Variants in CNTN5 observed in about 807,000 individuals in gnomAD.
CNTN5 encodes the protein contactin 5.
CNTN5 carries 77 observed loss-of-function variants against 129.1 expected under a neutral mutation model. The observed-to-expected ratio is 0.60, with a 90% CI of 0.50 to 0.72. The LOEUF (loss-of-function observed/expected upper bound fraction) is 0.72, where lower values mean the gene tolerates loss of function less well. CNTN5 is among the 30% of genes least tolerant of loss of function. The pLI, the probability that CNTN5 is intolerant of heterozygous loss-of-function variation, is 0.00. For synonymous variants in CNTN5, 509 were observed against 465.6 expected (o/e 1.09, Z -1.20); for missense variants, 1,478 against 1,328.8 (o/e 1.11, Z -1.75).
rs35896237 is a variant in CNTN5, at chr11:100,063,706, T to TAAAAAAA, written c.1162+2329_1162+2335dup. On this transcript the variant is annotated intron_variant, in intron 10 of 24. Coordinates refer to ENST00000524871, the MANE Select transcript of CNTN5 (RefSeq NM_014361.4). ...AGGCCATAGCAGCTGAACCTGTCTCTAAAAAAAAAAAAAAAAAAAAAATAC... is the reference window on the plus strand; with the variant it reads ...AGGCCATAGCAGCTGAACCTGTCTCTAAAAAAAAAAAAAAAAAAAAAAAAAAAAATAC... Among the ~76,000 whole-genome samples the TAAAAAAA allele has an allele frequency of 6.0e-4, 69 of 115,256 alleles. 1 individual carries two copies. Among genetic ancestry groups the TAAAAAAA allele is most frequent in the East Asian group, 2.3e-3 (9 of 3,900 alleles). The allele number at this position is 115,256 out of a possible 152,430, so 75.6% of individuals were successfully genotyped here.
intron 13 of CNTN5, among the ~76,000 whole-genome samples, chr11:100,080,979 G>T (rs905154082): frequency 1.3e-5 from 2 of 151,966 alleles, no homozygotes; most frequent in Admixed American, 6.6e-5. Flanking sequence ...TAGTACTCAG[G>T]GATGGTTTCT....
chr11:99,821,832 T>C (rs1946811190), intron 4 of CNTN5, among the ~76,000 whole-genome samples: 1 of 152,136 alleles, frequency 6.6e-6, no homozygotes, highest in Non-Finnish European at 1.5e-5. Flanking sequence ...ACTTACTGAG[T>C]GGCAAGGCTC....
intron 6 of CNTN5, among the ~76,000 whole-genome samples, chr11:99,863,594 A>C (rs1342390042): frequency 2.0e-5 from 3 of 152,156 alleles, no homozygotes; most frequent in Admixed American, 2.0e-4. Flanking sequence ...AGAACAATTC[A>C]GCCTATTGTA....
At chr11:99,096,443 G>A (rs909244305) in intron 1 of CNTN5, among the ~76,000 whole-genome samples, 5 of 151,648 alleles carry the variant, frequency 3.3e-5, no homozygotes, top group African/African-American at 9.7e-5. Context: ...AAGAACAGTC[G>A]CCTAATTGTT....
At chr11:100,140,986 T>C (rs909765721) in intron 13 of CNTN5, among the ~76,000 whole-genome samples, 16 of 152,106 alleles carry the variant, frequency 1.1e-4, no homozygotes, top group African/African-American at 3.4e-4. Flanking sequence ...ACAGAAATAA[T>C]GTTCACATCA....
At chr11:99,198,457 G>C (rs989580007) in intron 1 of CNTN5, among the ~76,000 whole-genome samples, 1 of 152,090 alleles carries the variant, frequency 6.6e-6, no homozygotes, top group Non-Finnish European at 1.5e-5. Context: ...CAAATGAGAA[G>C]ATTAGAATTA....
intron 2 of CNTN5, among the ~76,000 whole-genome samples, chr11:99,422,941 C>T (rs1942965106): frequency 3.3e-5 from 5 of 152,042 alleles, no homozygotes; most frequent in Admixed American, 3.3e-4. Flanking sequence ...CTTCTCCTAA[C>T]CCAGAAATCC....
At chr11:99,357,088 A>G (rs1938727432) in intron 2 of CNTN5, among the ~76,000 whole-genome samples, 1 of 152,222 alleles carries the variant, frequency 6.6e-6, no homozygotes, top group African/African-American at 2.4e-5. Context: ...GGTACATTTT[A>G]ATACTTTTAT....
intron 1 of CNTN5, among the ~76,000 whole-genome samples, chr11:99,245,520 C>A (rs529017332): frequency 1.4e-4 from 21 of 152,086 alleles, no homozygotes; most frequent in Admixed American, 3.9e-4. Context: ...GGGGTTTCAC[C>A]ATGTTGGCCA....
intron 9 of CNTN5, among the ~76,000 whole-genome samples, chr11:100,052,699 T>C (rs1053526083): frequency 6.6e-6 from 1 of 151,816 alleles, no homozygotes; most frequent in Admixed American, 6.6e-5. Flanking sequence ...TTGTGAAATT[T>C]AGCAAGCTAC....
At chr11:99,285,272 A>G (rs2135902117) in intron 1 of CNTN5, among the ~76,000 whole-genome samples, 1 of 152,258 alleles carries the variant, frequency 6.6e-6, no homozygotes, top group South Asian at 2.1e-4. Flanking sequence ...AAACCTGCCA[A>G]TTAATTTATT....
At chr11:99,176,909 A>G (rs908940853) in intron 1 of CNTN5, among the ~76,000 whole-genome samples, 5 of 152,044 alleles carry the variant, frequency 3.3e-5, no homozygotes, top group African/African-American at 1.2e-4. Flanking sequence ...AACTCTCACA[A>G]TTTACAGAAT....
At position 99,394,056 on chromosome 11, in the gene CNTN5, C is replaced by A. The variant is rs868492703; in HGVS notation, c.-71+68572C>A. ...GAAATTACATTAGGGAAGTTTCATG[C>A]CTTCTATATTTTTGCCAATATGTGA... On this transcript the variant is annotated intron_variant, in intron 2 of 24. Transcript: ENST00000524871. Among the ~76,000 whole-genome samples, 26 of 151,728 alleles carry A rather than the reference C, an allele frequency of 1.7e-4. No homozygotes were observed. The Middle Eastern group carries it at 0.01, about 60-fold the overall frequency.
At chr11:99,629,802 CAAAT>C (rs1303725485) in intron 3 of CNTN5, among the ~76,000 whole-genome samples, 3 of 151,100 alleles carry the variant, frequency 2.0e-5, no homozygotes, top group Non-Finnish European at 4.4e-5. Context: ...TAATTACAGT[CAAAT>C]AAATGTTAGA....
intron 2 of CNTN5, among the ~76,000 whole-genome samples, chr11:99,511,665 T>C (rs1946840485): frequency 6.6e-6 from 1 of 151,916 alleles, no homozygotes; most frequent in African/African-American, 2.4e-5. Flanking sequence ...CCATTATTAT[T>C]GTGTGGGAAT....
At chr11:99,675,013 G>GGTTTGGTTTT (rs147793466) in intron 3 of CNTN5, among the ~76,000 whole-genome samples, 54 of 149,578 alleles carry the variant, frequency 3.6e-4, no homozygotes, top group African/African-American at 1.2e-3. Context: ...GCATTTTTCT[G>GGTTTGGTTTT]GTTTTGTTTT....
intron 3 of CNTN5, among the ~76,000 whole-genome samples, chr11:99,601,669 T>C (rs1225955626): frequency 6.6e-6 from 1 of 152,146 alleles, no homozygotes; most frequent in Non-Finnish European, 1.5e-5. Context: ...CCCTAAAATT[T>C]TTCTTTCCTT....
chr11:99,202,784 A>G (rs1200620784), intron 1 of CNTN5, among the ~76,000 whole-genome samples: 1 of 150,676 alleles, frequency 6.6e-6, no homozygotes, highest in Non-Finnish European at 1.5e-5. Context: ...AAATATAAAT[A>G]TATATTTTAA....
Position 100,014,517 on chromosome 11 carries a change from G to T in CNTN5, c.980+12381G>T, listed in dbSNP as rs377220275. Among the ~76,000 whole-genome samples the T allele has an allele frequency of 5.3e-5, 8 of 152,106 alleles. No homozygotes were observed. The East Asian group carries it at 7.8e-4, about 15-fold the overall frequency. Reference sequence around the variant, plus strand: ...AATCGCTTGAACCTGGGAGGCGGAGGTTGCAGTAAGCCGAGATTGCGCCAC... The same window carrying T: ...AATCGCTTGAACCTGGGAGGCGGAGTTTGCAGTAAGCCGAGATTGCGCCAC... On this transcript the variant is annotated intron_variant, in intron 9 of 24. Coordinates refer to ENST00000524871, the MANE Select transcript of CNTN5 (RefSeq NM_014361.4).
Sources: gnomAD v4.1 joint callset for allele counts (sites outside exome capture counted in the v4.1 genomes callset) on GRCh38, gnomAD v4.1.1 for gene constraint, MANE v1.5 for transcripts, NCBI Gene and HGNC (gene_info 2026-07-23, HGNC 2026-07-21) for gene names.